The following ZNF277 variants were observed in gnomAD, a reference collection of about 807,000 sequenced individuals.
The protein encoded by ZNF277 is zinc finger protein 277.
ZNF277 carries 55 observed loss-of-function variants against 60.7 expected under a neutral mutation model. The observed-to-expected ratio is 0.91, with a 90% CI of 0.73 to 1.13. The LOEUF is 1.13. Ranked by LOEUF, ZNF277 falls within the 50% of genes most tolerant of loss-of-function variation. The probability of loss-of-function intolerance (pLI) is 0.00; values close to 1 mark genes in which losing one functional copy is unlikely to be tolerated. For synonymous variants in ZNF277, 178 were observed against 179.3 expected (o/e 0.99, Z 0.06); for missense variants, 510 against 523.0 (o/e 0.98, Z 0.24).
intron 1 of ZNF277, among the ~76,000 whole-genome samples, chr7:112,207,221 T>A (rs184542399): frequency 1.3e-5 from 2 of 152,312 alleles, no homozygotes; most frequent in African/African-American, 4.8e-5. Flanking sequence ...TTTGCTTGGT[T>A]TGACCTCGCA....
At chr7:112,292,961 C>CT (rs1491086992) in intron 2 of ZNF277, among the ~76,000 whole-genome samples, 1 of 152,014 alleles carries the variant, frequency 6.6e-6, no homozygotes. Flanking sequence ...AAATATGTTA[C>CT]TTTTTCTTAT....
chr7:112,207,864 C>T (rs1041582708), intron 1 of ZNF277, among the ~76,000 whole-genome samples: 24 of 152,292 alleles, frequency 1.6e-4, no homozygotes, highest in African/African-American at 5.5e-4. Flanking sequence ...AACAGTGGAA[C>T]TCCCTACTCT....
At chr7:112,240,112 A>C (rs532510757) in intron 1 of ZNF277, among the ~76,000 whole-genome samples, 2 of 152,314 alleles carry the variant, frequency 1.3e-5, no homozygotes, top group South Asian at 4.1e-4. Flanking sequence ...CAACAGATAA[A>C]AATTGAAATG....
intron 1 of ZNF277, 55 bp from the exon 2 acceptor site, chr7:112,286,818 T>G: frequency 2.8e-6 from 4 of 1,414,800 alleles, no homozygotes; most frequent in East Asian, 2.4e-5. Flanking sequence ...ATATGAAGAG[T>G]TGGTTTCAGC....
intron 1 of ZNF277, among the ~76,000 whole-genome samples, chr7:112,232,040 T>C (rs1285525386): frequency 1.2e-5 from 1 of 82,700 alleles, no homozygotes; most frequent in Non-Finnish European, 2.4e-5. Context: ...AATAAATAAA[T>C]ACATATATAT....
intron 1 of ZNF277, among the ~76,000 whole-genome samples, chr7:112,271,875 G>A (rs550256388): frequency 1.8e-4 from 28 of 151,992 alleles, no homozygotes; most frequent in Non-Finnish European, 3.8e-4. Flanking sequence ...CACATACAGT[G>A]CATAATAATC....
chr7:112,299,180 ATGAGGT>A (rs1563220514), intron 4 of ZNF277, among the ~76,000 whole-genome samples: 1 of 152,226 alleles, frequency 6.6e-6, no homozygotes, highest in East Asian at 1.9e-4. Flanking sequence ...GTGTGGAAGC[ATGAGGT>A]TAGTGTGGGT....
intron 11 of ZNF277, 76 bp downstream of exon 11, chr7:112,341,122 C>T: frequency 2.2e-6 from 3 of 1,371,090 alleles, no homozygotes; most frequent in Admixed American, 2.9e-5. Context: ...TTTCTTTAAG[C>T]CTACAGAAAA....
At chr7:112,245,335 A>C (rs974935841) in intron 1 of ZNF277, among the ~76,000 whole-genome samples, 1 of 152,312 alleles carries the variant, frequency 6.6e-6, no homozygotes, top group East Asian at 1.9e-4. Context: ...TGCCAGTTGA[A>C]GCTGCAACCA....
intron 5 of ZNF277, among the ~76,000 whole-genome samples, chr7:112,327,433 A>G (rs549771918): frequency 6.6e-6 from 1 of 152,300 alleles, no homozygotes; most frequent in African/African-American, 2.4e-5. Flanking sequence ...CTAACAGGCC[A>G]TGGACCGATA....
intron 4 of ZNF277, among the ~76,000 whole-genome samples, chr7:112,309,047 G>A (rs1792663868): frequency 6.6e-6 from 1 of 152,032 alleles, no homozygotes; most frequent in Non-Finnish European, 1.5e-5. Context: ...GTATAAGAGA[G>A]GGTACCTTTT....
chr7:112,288,850 A>T (rs1484124618), intron 2 of ZNF277: 1 of 151,424 alleles, frequency 6.6e-6, no homozygotes, highest in African/African-American at 2.4e-5. Flanking sequence ...GAACCTCCAG[A>T]CAAGCTCTCA....
At chr7:112,282,246 T>A (rs1408958534) in intron 1 of ZNF277, among the ~76,000 whole-genome samples, 6 of 152,210 alleles carry the variant, frequency 3.9e-5, no homozygotes, top group African/African-American at 1.4e-4. Flanking sequence ...TTGTTGGGCA[T>A]GGAGAGATGG....
At chr7:112,266,913 A>G (rs1791563794) in intron 1 of ZNF277, among the ~76,000 whole-genome samples, 1 of 152,206 alleles carries the variant, frequency 6.6e-6, no homozygotes, top group South Asian at 2.1e-4. Context: ...GAATGCATCA[A>G]AAAATACATA....
intron 1 of ZNF277, among the ~76,000 whole-genome samples, chr7:112,230,728 C>G (rs551853535): frequency 2.4e-4 from 37 of 152,174 alleles, no homozygotes; most frequent in Non-Finnish European, 4.4e-4. Context: ...ATTTACAGCT[C>G]ATAGCTTTTC....
At chr7:112,282,171 T>TCACAGA (rs1791961826) in intron 1 of ZNF277, among the ~76,000 whole-genome samples, 1 of 152,218 alleles carries the variant, frequency 6.6e-6, no homozygotes, top group Non-Finnish European at 1.5e-5. Flanking sequence ...CTTAAGGAGT[T>TCACAGA]CACAGACTAG....
rs185757578 is a variant in ZNF277, at chr7:112,274,208, C to T, written c.92-12665C>T. On this transcript the variant is annotated intron_variant, in intron 1 of 11. Coordinates refer to ENST00000361822, the MANE Select transcript of ZNF277 (RefSeq NM_021994.3). ...GGTTTTGCTCTGTCACCCAGGCTGG[C>T]GTGAGGTGACACGATCACAGCTCAC... Among the ~76,000 whole-genome samples, 46 of 152,104 alleles carry T rather than the reference C, an allele frequency of 3.0e-4. No homozygotes were observed. The East Asian group carries it at 8.3e-3, about 27-fold the overall frequency.
chr7:112,239,458 G>A (rs1790891416), intron 1 of ZNF277, among the ~76,000 whole-genome samples: 1 of 152,162 alleles, frequency 6.6e-6, no homozygotes, highest in Non-Finnish European at 1.5e-5. Flanking sequence ...GTCTGACTCA[G>A]CACAGTCCCA....
At chr7:112,255,871 T>A (rs1791296875) in intron 1 of ZNF277, among the ~76,000 whole-genome samples, 2 of 152,238 alleles carry the variant, frequency 1.3e-5, no homozygotes, top group African/African-American at 4.8e-5. Flanking sequence ...CTTGCTCCTT[T>A]TATGTATTTG....
Sources: gnomAD v4.1 joint callset for allele counts (sites outside exome capture counted in the v4.1 genomes callset) on GRCh38, gnomAD v4.1.1 for gene constraint, MANE v1.5 for transcripts, NCBI Gene and HGNC (gene_info 2026-07-23, HGNC 2026-07-21) for gene names.